Variants in VEPH1 observed in about 807,000 individuals in gnomAD.
VEPH1 encodes ventricular zone expressed PH domain containing 1.
A neutral mutation model predicts 85.2 loss-of-function variants in VEPH1; 80 were observed. The ratio of observed to expected loss-of-function variants is 0.94; its 90% CI spans 0.78 to 1.13. The LOEUF (loss-of-function observed/expected upper bound fraction) is 1.13, where lower values mean the gene tolerates loss of function less well. VEPH1 is among the 50% of genes most tolerant of loss of function. The pLI, the probability that VEPH1 is intolerant of heterozygous loss-of-function variation, is 0.00. For missense variants in VEPH1, 955 were observed against 980.5 expected, an observed-to-expected ratio of 0.97 and a Z score of 0.35; for synonymous variants, 297 against 348.0, an observed-to-expected ratio of 0.85 and a Z score of 1.63.
At position 157,304,038 on chromosome 3, in the gene VEPH1, T is replaced by TATATATATACACACACACAC; in HGVS notation, c.2010+9582_2010+9583insGTGTGTGTGTGTATATATAT. Among the ~76,000 whole-genome samples the TATATATATACACACACACAC allele has an allele frequency of 9.3e-5, 9 of 96,914 alleles. 1 individual carries two copies. The highest frequency in any genetic ancestry group is 2.1e-4 in the African/African-American group (7 of 32,708). 63.6% of individuals were successfully genotyped at this position (96,914 alleles called of 152,430 possible). On this transcript the variant is annotated intron_variant, in intron 11 of 13. Transcript: ENST00000362010. ...CTTATATTTTTTATATATATATATA[T>TATATATATACACACACACAC]ACACACATACTGTTACATCTTATAT...
At chr3:157,464,242 G>T (rs1048785233) in intron 3 of VEPH1, among the ~76,000 whole-genome samples, 1 of 152,116 alleles carries the variant, frequency 6.6e-6, no homozygotes, top group Non-Finnish European at 1.5e-5. Context: ...TGGGTTCGAG[G>T]GTCCCATGGA....
chr3:157,494,757 C>G (rs894287176), intron 2 of VEPH1, among the ~76,000 whole-genome samples: 9 of 152,084 alleles, frequency 5.9e-5, no homozygotes, highest in African/African-American at 1.7e-4. Flanking sequence ...GATCGTTGTC[C>G]TTGTCTCATA....
chr3:157,313,466 C>T (rs1720365298), intron 11 of VEPH1, among the ~76,000 whole-genome samples, 155 bp downstream of exon 11: 2 of 151,964 alleles, frequency 1.3e-5, no homozygotes, highest in Non-Finnish European at 2.9e-5. Context: ...ATCTACTATA[C>T]CACGTGAAAA....
chr3:157,378,305 G>GGT (rs1728359971), intron 7 of VEPH1, among the ~76,000 whole-genome samples: 2 of 77,208 alleles, frequency 2.6e-5, no homozygotes, highest in Non-Finnish European at 4.9e-5. Flanking sequence ...ATTTTTGAAT[G>GGT]GTATATATAT....
intron 9 of VEPH1, among the ~76,000 whole-genome samples, chr3:157,338,901 A>C (rs147156019): frequency 6.6e-5 from 10 of 152,312 alleles, no homozygotes; most frequent in Non-Finnish European, 1.3e-4. Context: ...ACTGAACTGC[A>C]CTGCACTGTG....
intron 4 of VEPH1, chr3:157,459,751 TA>T: frequency 6.9e-7 from 1 of 1,442,090 alleles, no homozygotes; most frequent in Non-Finnish European, 9.1e-7. Context: ...AAGAAGTCAT[TA>T]CACATTTTCT....
At chr3:157,407,281 C>G (rs1387790606) in intron 6 of VEPH1, among the ~76,000 whole-genome samples, 1 of 152,114 alleles carries the variant, frequency 6.6e-6, no homozygotes, top group Non-Finnish European at 1.5e-5. Context: ...TTGCTGCAAA[C>G]TTATTTGAGC....
intron 5 of VEPH1, among the ~76,000 whole-genome samples, chr3:157,416,683 T>C (rs371434776): frequency 5.9e-4 from 90 of 152,246 alleles, no homozygotes; most frequent in South Asian, 1.0e-3. Context: ...TACTTTAAAA[T>C]TTAAACTCCA....
chr3:157,374,511 C>T (rs146595500), intron 7 of VEPH1, among the ~76,000 whole-genome samples: 31 of 152,302 alleles, frequency 2.0e-4, no homozygotes, highest in Non-Finnish European at 4.1e-4. Context: ...TTCTTGTGAA[C>T]ACTTTAAGAC....
Position 157,371,329 on chromosome 3 carries a change from T to G in VEPH1, c.1128-6817A>C, listed in dbSNP as rs572496920. ...CAGACAGAATTTCCTGAAATTAGAA[T>G]GAAAATATAAAAGCCATGATACAAG... On this transcript the variant is annotated intron_variant, in intron 7 of 13. Coordinates refer to ENST00000362010, the MANE Select transcript of VEPH1 (RefSeq NM_001167912.2). Among the ~76,000 whole-genome samples, 7 of 152,296 alleles carry G rather than the reference T, an allele frequency of 4.6e-5. No homozygotes were observed. In the South Asian group the frequency reaches 1.5e-3, roughly 32 times the overall value.
At chr3:157,446,170 T>C (rs1212870919) in intron 4 of VEPH1, among the ~76,000 whole-genome samples, 1 of 151,636 alleles carries the variant, frequency 6.6e-6, no homozygotes. Flanking sequence ...GTATGTGTAA[T>C]AAATATGTAA....
At chr3:157,277,030 A>C (rs1715487911) in intron 12 of VEPH1, among the ~76,000 whole-genome samples, 1 of 151,968 alleles carries the variant, frequency 6.6e-6, no homozygotes, top group Non-Finnish European at 1.5e-5. Flanking sequence ...AGTAGCTGGG[A>C]CTACAGGCAT....
intron 13 of VEPH1, 91 bp downstream of exon 13, chr3:157,265,435 A>G: frequency 4.3e-6 from 6 of 1,393,090 alleles, no homozygotes; most frequent in Non-Finnish European, 5.9e-6. Flanking sequence ...TGGAAAAATT[A>G]TTAGAGTTTA....
At chr3:157,360,386 C>T (rs1313581595) in intron 9 of VEPH1, among the ~76,000 whole-genome samples, 1 of 151,998 alleles carries the variant, frequency 6.6e-6, no homozygotes, top group Non-Finnish European at 1.5e-5. Context: ...ATACTCAGTC[C>T]TAGGTTATCT....
chr3:157,377,214 G>C (rs758075128), intron 7 of VEPH1, among the ~76,000 whole-genome samples: 37 of 152,094 alleles, frequency 2.4e-4, no homozygotes, highest in Non-Finnish European at 4.6e-4. Flanking sequence ...TTGAGGTGGG[G>C]GATGATGGCA....
At chr3:157,391,372 G>T (rs1276631442) in intron 6 of VEPH1, among the ~76,000 whole-genome samples, 7 of 152,240 alleles carry the variant, frequency 4.6e-5, no homozygotes, top group African/African-American at 1.7e-4. Flanking sequence ...AGGGAGAGCA[G>T]TTTGTTTCTT....
At chr3:157,302,850 C>A (rs1718974657) in intron 11 of VEPH1, among the ~76,000 whole-genome samples, 1 of 152,184 alleles carries the variant, frequency 6.6e-6, no homozygotes, top group Non-Finnish European at 1.5e-5. Flanking sequence ...ACTGGCTCCA[C>A]CAATGCTGTG....
In VEPH1 at chr3:157,353,606, A is replaced by T. The variant is rs555263279; in HGVS notation, c.1735+9758T>A. On this transcript the variant is annotated intron_variant, in intron 9 of 13. Coordinates refer to ENST00000362010, the MANE Select transcript of VEPH1 (RefSeq NM_001167912.2). ...AGAGAAAAACAGTGATAGCTGCTTG[A>T]TGTGTATCCTTCTAGAAGTTTCCCC... Among the ~76,000 whole-genome samples, 27 of 149,558 alleles carry T rather than the reference A, an allele frequency of 1.8e-4. 1 individual carries two copies. In the South Asian group the frequency reaches 5.7e-3, roughly 31 times the overall value.
intron 11 of VEPH1, among the ~76,000 whole-genome samples, chr3:157,295,055 C>A (rs1003717719): frequency 6.6e-6 from 1 of 152,140 alleles, no homozygotes; most frequent in Non-Finnish European, 1.5e-5. Flanking sequence ...AGCTGTTCCA[C>A]CCCCTATGTA....
Sources: gnomAD v4.1 joint callset for allele counts (sites outside exome capture counted in the v4.1 genomes callset) on GRCh38, gnomAD v4.1.1 for gene constraint, MANE v1.5 for transcripts, NCBI Gene and HGNC (gene_info 2026-07-23, HGNC 2026-07-21) for gene names.